Variants in PDE4D observed in about 807,000 individuals in gnomAD.
PDE4D encodes the protein 3',5'-cyclic-AMP phosphodiesterase 4D.
PDE4D carries 24 observed loss-of-function variants against 87.4 expected under a neutral mutation model. That is an observed-to-expected ratio of 0.27 (90% confidence interval 0.20 to 0.39). The LOEUF (loss-of-function observed/expected upper bound fraction) is 0.39, where lower values mean the gene tolerates loss of function less well. Among genes scored for constraint, PDE4D ranks in the 10% least tolerant of loss-of-function variants. PDE4D has a pLI of 1.00. For missense variants in PDE4D, 714 were observed against 1,041.0 expected (o/e 0.69, Z 4.32); for synonymous variants, 384 against 383.2 (o/e 1.00, Z -0.02).
intron 2 of PDE4D, among the ~76,000 whole-genome samples, chr5:60,069,505 T>C (rs138399567): frequency 6.6e-4 from 100 of 152,286 alleles, no homozygotes; most frequent in African/African-American, 2.3e-3. Flanking sequence ...CAAGTATGCA[T>C]AGATTTATTT....
chr5:59,264,012 G>C (rs1001457022), intron 1 of PDE4D, among the ~76,000 whole-genome samples: 2 of 152,074 alleles, frequency 1.3e-5, no homozygotes, highest in Admixed American at 6.6e-5. Flanking sequence ...GTGACAAATA[G>C]ACAAAACATA....
intron 1 of PDE4D, among the ~76,000 whole-genome samples, chr5:59,464,009 C>T (rs999831339): frequency 1.3e-5 from 2 of 152,168 alleles, no homozygotes; most frequent in Admixed American, 1.3e-4. Context: ...TAAACAGATG[C>T]TTGAAGGCAG....
At chr5:59,244,724 A>G (rs113487653) in intron 1 of PDE4D, among the ~76,000 whole-genome samples, 41,308 of 130,598 alleles carry the variant, frequency 0.32, 6,705 homozygotes, top group Admixed American at 0.4. Flanking sequence ...GTGTGTGTGT[A>G]TAGAGAGACC....
intron 2 of PDE4D, among the ~76,000 whole-genome samples, chr5:60,094,846 T>C (rs1775504830): frequency 6.6e-6 from 1 of 152,056 alleles, no homozygotes; most frequent in Non-Finnish European, 1.5e-5. Context: ...TTCAATTTGT[T>C]GTACTTTTGT....
intron 5 of PDE4D, among the ~76,000 whole-genome samples, chr5:59,069,841 A>G (rs1338565476): frequency 6.6e-6 from 1 of 152,200 alleles, no homozygotes; most frequent in African/African-American, 2.4e-5. Context: ...GCCTGTCTTC[A>G]TTATAGATTA....
In PDE4D at chr5:59,360,187, T is replaced by G. The variant is rs531302814; in HGVS notation, c.456-144219A>C. On this transcript the variant is annotated intron_variant, in intron 1 of 14. Coordinates refer to ENST00000340635, the MANE Select transcript of PDE4D (RefSeq NM_001104631.2). ...CTCCCAAATTTGAGAGTGGGATAAG[T>G]TAAACGTAATCCACATAGGCATTCA... 9.2e-5 allele frequency among the ~76,000 whole-genome samples: 14 copies of G among 152,244 alleles called. No individual in the cohort carries two copies. In the East Asian group the frequency reaches 2.7e-3, roughly 29 times the overall value.
intron 5 of PDE4D, among the ~76,000 whole-genome samples, chr5:59,152,661 A>G (rs1431919877): frequency 6.6e-6 from 1 of 151,948 alleles, no homozygotes; most frequent in Non-Finnish European, 1.5e-5. Flanking sequence ...GTTTGATGGG[A>G]TTAACTAAAT....
At chr5:59,614,591 A>G (rs1218190399) in intron 1 of PDE4D, among the ~76,000 whole-genome samples, 2 of 152,206 alleles carry the variant, frequency 1.3e-5, no homozygotes, top group Non-Finnish European at 2.9e-5. Flanking sequence ...CCTTTTAGAA[A>G]TGGAGAGAAT....
chr5:59,202,280 T>C (rs928058798), intron 2 of PDE4D, among the ~76,000 whole-genome samples: 4 of 152,100 alleles, frequency 2.6e-5, no homozygotes, highest in African/African-American at 9.7e-5. Context: ...GACGTCGTGA[T>C]CCACCTGCCT....
At position 58,991,847 on chromosome 5, in the gene PDE4D, T is replaced by A. The variant is rs757591581; in HGVS notation, c.1173A>T (p.Glu391Asp). 12 of 1,509,444 alleles carry A rather than the reference T, an allele frequency of 7.9e-6. No homozygotes were observed. In the African/African-American group the frequency reaches 8.5e-5, roughly 11 times the overall value. 93.5% of individuals were successfully genotyped at this position (1,509,444 alleles called of 1,614,324 possible). A position where few individuals can be genotyped will look rare whatever the true frequency, so the allele number is the denominator to read the frequency against. Residue 391 changes from glutamate (E) to aspartate (D), a missense_variant, in exon 8 of 15, where the codon GAA (glutamate) becomes GAT (aspartate). Glu to Asp is a conservative substitution (Grantham distance 45). Around this residue, in one of 7 missense-constraint regions of PDE4D, gnomAD observed 141 missense variants for 204.3 expected, o/e 0.69. Transcript: ENST00000340635. ...IPRFGVKTEQ[E>D]DVLAKELEDV... ...ATCATCATACCTTGGCAAGGACATC[T>A]TCTTGTTCAGTTTTAACTCCAAACC...
chr5:59,781,756 G>C (rs1377382875), intron 1 of PDE4D, among the ~76,000 whole-genome samples: 1 of 122,252 alleles, frequency 8.2e-6, no homozygotes, highest in Non-Finnish European at 1.6e-5. Flanking sequence ...CTGCACTCCA[G>C]CCTGGGCGAC....
chr5:59,212,664 T>A (rs1314561944), intron 2 of PDE4D, among the ~76,000 whole-genome samples: 1 of 151,954 alleles, frequency 6.6e-6, no homozygotes, highest in Non-Finnish European at 1.5e-5. Flanking sequence ...AAAGAAACAA[T>A]CTATCCCAAA....
At chr5:59,693,291 G>C (rs770359966) in intron 1 of PDE4D, among the ~76,000 whole-genome samples, 6 of 151,880 alleles carry the variant, frequency 4.0e-5, no homozygotes, top group Admixed American at 2.6e-4. Context: ...TAAAACATGA[G>C]AGACTTCACT....
chr5:59,147,824 A>G (rs1180260383), intron 5 of PDE4D, among the ~76,000 whole-genome samples: 1 of 152,206 alleles, frequency 6.6e-6, no homozygotes, highest in East Asian at 1.9e-4. Context: ...AGCGAAATAC[A>G]GTATTTGGTT....
Position 59,648,556 on chromosome 5 carries a change from G to A in PDE4D, c.455+244612C>T, listed in dbSNP as rs149823914. Among the ~76,000 whole-genome samples the A allele has an allele frequency of 3.1e-3, 465 of 152,218 alleles. 6 individuals carry two copies. The highest frequency in any genetic ancestry group is 0.011 in the African/African-American group (445 of 41,546). On this transcript the variant is annotated intron_variant, in intron 1 of 14. Coordinates refer to ENST00000340635, the MANE Select transcript of PDE4D (RefSeq NM_001104631.2). ...TATGAAAACACTCTTAAATATTAAT[G>A]ACTAAACACACTAACTGATAGGTTG...
intron 6 of PDE4D, among the ~76,000 whole-genome samples, chr5:59,008,115 T>G (rs1752003767): frequency 6.6e-6 from 1 of 152,050 alleles, no homozygotes; most frequent in East Asian, 1.9e-4. Flanking sequence ...GCATATCTAC[T>G]ACAGACTTTT....
intron 1 of PDE4D, among the ~76,000 whole-genome samples, chr5:60,256,703 G>C (rs1326270998): frequency 6.6e-6 from 1 of 151,880 alleles, no homozygotes; most frequent in Non-Finnish European, 1.5e-5. Context: ...TTGAATATGT[G>C]AGCTGACATC....
intron 2 of PDE4D, among the ~76,000 whole-genome samples, chr5:60,027,231 T>A (rs1766730403): frequency 6.6e-6 from 1 of 152,174 alleles, no homozygotes; most frequent in Admixed American, 6.5e-5. Context: ...ACTCCCTCCC[T>A]CTTCCCTCTT....
chr5:60,467,447 G>A (rs925484371), intron 1 of PDE4D, among the ~76,000 whole-genome samples: 2 of 152,130 alleles, frequency 1.3e-5, no homozygotes, highest in African/African-American at 4.8e-5. Flanking sequence ...CTGTCATTAT[G>A]GATATTTCAC....
Sources: gnomAD v4.1 joint callset for allele counts (sites outside exome capture counted in the v4.1 genomes callset) on GRCh38, gnomAD v4.1.1 for gene constraint, gnomAD v4.1.1 regional missense constraint, MANE v1.5 for transcripts, NCBI Gene and HGNC (gene_info 2026-07-23, HGNC 2026-07-21) for gene names.